The following SARAF variants were observed in gnomAD, a reference collection of about 807,000 sequenced individuals.
SARAF encodes store-operated calcium entry-associated regulatory factor.
In SARAF, 23 loss-of-function variants were observed where a neutral mutation model predicts 39.7. The ratio of observed to expected loss-of-function variants is 0.58; its 90% CI spans 0.42 to 0.82. SARAF has a LOEUF of 0.82. SARAF is among the 40% of genes least tolerant of loss of function. The pLI is 0.00. For missense variants in SARAF, 384 were observed against 418.5 expected (o/e 0.92, Z 0.72); for synonymous variants, 175 against 168.5 (o/e 1.04, Z -0.30).
Position 30,070,034 on chromosome 8 carries a change from A to G in SARAF, c.308T>C (p.Ile103Thr). Residue 103 changes from isoleucine (I) to threonine (T), a missense_variant, in exon 3 of 6, where the codon ATT (isoleucine) becomes ACT (threonine). By Grantham distance (89) the Ile-to-Thr change is moderately conservative. Coordinates refer to ENST00000256255, the MANE Select transcript of SARAF (RefSeq NM_016127.6). ...VQWECKTDLD[I>T]AYKFGKTVVS... ...CACAGTTTTTCCAAATTTGTATGCA[A>G]TATCTAAGTCCGTCTTACATTCCCA... 1 of 1,611,710 alleles carries G rather than the reference A, an allele frequency of 6.2e-7. No homozygotes were observed. The highest frequency in any genetic ancestry group is 8.5e-7 in the Non-Finnish European group (1 of 1,179,432).
chr8:30,064,044 G>A (rs1416529405), intron 5 of SARAF, 131 bp from the exon 6 acceptor site: 15 of 770,630 alleles, frequency 1.9e-5, no homozygotes, highest in Non-Finnish European at 2.9e-5. Flanking sequence ...TGTGCCACTA[G>A]GTGGAACTGG....
chr8:30,064,346 A>C (rs896522761), intron 5 of SARAF, among the ~76,000 whole-genome samples: 3 of 151,880 alleles, frequency 2.0e-5, no homozygotes, highest in African/African-American at 7.3e-5. Context: ...GTGCGCACAC[A>C]CACAGGCTAC....
At chr8:30,067,072 T>C (rs1196037811) in intron 3 of SARAF, 154 bp from the exon 4 acceptor site, 1 of 763,412 alleles carries the variant, frequency 1.3e-6, no homozygotes, top group African/African-American at 1.8e-5. Flanking sequence ...AAAAGGTATT[T>C]GTAAAATACT....
intron 1 of SARAF, among the ~76,000 whole-genome samples, chr8:30,080,081 C>G (rs1025266598): frequency 6.6e-6 from 1 of 152,202 alleles, no homozygotes; most frequent in African/African-American, 2.4e-5. Flanking sequence ...CCTTGGACTT[C>G]TCATCTTCTC....
At chr8:30,072,628 A>C (rs963257411) in intron 2 of SARAF, among the ~76,000 whole-genome samples, 1 of 152,176 alleles carries the variant, frequency 6.6e-6, no homozygotes, top group African/African-American at 2.4e-5. Context: ...TTTAAATTTC[A>C]ACTCTTGGAA....
chr8:30,082,847 C>G lies in SARAF; in HGVS notation c.103G>C (p.Asp35His). ...GCCTGAGGGCCCTGGCAGCACTCAC[C>G]AGGGTCGTTCCAGCCCAGGGCAGGG... ...AGPALGWNDP[D>H]RMLLRDVKAL... The change falls in exon 1 of 6, where the codon GAC becomes CAC. Residue 35 changes from aspartate (D) to histidine (H), a missense_variant and splice_region_variant. Transcript: ENST00000256255. 1 of 1,543,168 alleles carries G rather than the reference C, an allele frequency of 6.5e-7. No individual in the cohort carries two copies. Among genetic ancestry groups the G allele is most frequent in the Non-Finnish European group, 8.7e-7 (1 of 1,145,856 alleles).
At chr8:30,074,414 C>T (rs1475271209) in intron 1 of SARAF, among the ~76,000 whole-genome samples, 1 of 152,150 alleles carries the variant, frequency 6.6e-6, no homozygotes, top group Admixed American at 6.5e-5. Context: ...TCCTGAAGCA[C>T]ATTTAATGCT....
Position 30,082,846 on chromosome 8 carries a change from C to T in SARAF, c.103+1G>A. 1 of 1,475,684 alleles carries T rather than the reference C, an allele frequency of 6.8e-7. No homozygotes were observed. Among genetic ancestry groups the T allele is most frequent in the Non-Finnish European group, 9.1e-7 (1 of 1,095,920 alleles). 91.4% of individuals were successfully genotyped at this position (1,475,684 alleles called of 1,614,324 possible). A position where few individuals can be genotyped will look rare whatever the true frequency, so the allele number is the denominator to read the frequency against. ...CGCCTGAGGGCCCTGGCAGCACTCA[C>T]CAGGGTCGTTCCAGCCCAGGGCAGG... On this transcript the variant is annotated splice_donor_variant, in intron 1 of 5. Transcript: ENST00000256255. LOFTEE classifies it high-confidence loss of function.
Position 30,082,844 on chromosome 8 carries a change from C to T in SARAF, c.103+3G>A, listed in dbSNP as rs1802139857. ...AGCGCCTGAGGGCCCTGGCAGCACT[C>T]ACCAGGGTCGTTCCAGCCCAGGGCA... On this transcript the variant is annotated splice_donor_region_variant and intron_variant, in intron 1 of 5. Transcript: ENST00000256255. The T allele has an allele frequency of 2.6e-6, 4 of 1,540,396 alleles. No homozygotes were observed. The highest frequency in any genetic ancestry group is 2.2e-4 in the Middle Eastern group (1 of 4,592).
At chr8:30,079,901 G>C (rs1802060429) in intron 1 of SARAF, among the ~76,000 whole-genome samples, 1 of 152,146 alleles carries the variant, frequency 6.6e-6, no homozygotes, top group Non-Finnish European at 1.5e-5. Context: ...CCACTAGTTA[G>C]ATCAGTCAAG....
Position 30,065,992 on chromosome 8 carries a change from T to C in SARAF, c.990A>G (p.Ala330=). Residue 330 remains alanine (A), a synonymous_variant, in exon 5 of 6, where the codon GCA becomes GCG. Transcript: ENST00000256255. ...ACTTGTATTTTTTGCTCTTACCTGA[T>C]GCAGTTCTGGTTTTCGTGTCTGAGT... ...CSNSDTKTRT[A]SGYGGTRRR is the part of the protein sequence containing the mutation. The C allele has an allele frequency of 1.2e-6, 2 of 1,614,174 alleles. No individual in the cohort carries two copies. Among genetic ancestry groups the C allele is most frequent in the African/African-American group, 1.3e-5 (1 of 75,064 alleles).
intron 5 of SARAF, among the ~76,000 whole-genome samples, chr8:30,064,442 T>C (rs1456224588): frequency 6.6e-6 from 1 of 151,210 alleles, no homozygotes; most frequent in Non-Finnish European, 1.5e-5. Flanking sequence ...TTTCATATAA[T>C]TCCCATACAT....
chr8:30,079,469 C>G (rs1802051740), intron 1 of SARAF, among the ~76,000 whole-genome samples: 1 of 152,196 alleles, frequency 6.6e-6, no homozygotes, highest in Admixed American at 6.5e-5. Context: ...ACACAAACTA[C>G]TACCTCCTCA....
chr8:30,082,233 G>A (rs1802117990), intron 1 of SARAF: 4 of 152,262 alleles, frequency 2.6e-5, no homozygotes, highest in Admixed American at 2.6e-4. Context: ...AGCTACCGGT[G>A]AGGCCGAGGC....
chr8:30,075,122 G>A (rs368689930), intron 1 of SARAF, among the ~76,000 whole-genome samples: 36 of 151,938 alleles, frequency 2.4e-4, no homozygotes, highest in Non-Finnish European at 4.3e-4. Flanking sequence ...CCAACACGGC[G>A]AAACCCCATC....
chr8:30,078,395 G>A (rs1802024070), intron 1 of SARAF: 2 of 262,728 alleles, frequency 7.6e-6, no homozygotes, highest in Admixed American at 5.3e-5. Flanking sequence ...CCACACAAAG[G>A]CACACGAAAA....
At chr8:30,066,197 A>C in intron 4 of SARAF, 58 bp from the exon 5 acceptor site, 1 of 1,531,608 alleles carries the variant, frequency 6.5e-7, no homozygotes, top group Non-Finnish European at 8.9e-7. Flanking sequence ...ATTTTTAAAT[A>C]CCTTCCTGTT....
chr8:30,069,134 ATTT>A (rs36096551), intron 3 of SARAF, among the ~76,000 whole-genome samples: 1 of 97,826 alleles, frequency 1.0e-5, no homozygotes, highest in Non-Finnish European at 1.8e-5. Context: ...TTAATCAGGC[ATTT>A]TTTTTTTTTT....
Position 30,070,010 on chromosome 8 carries a change from AC to A in SARAF, c.331del (p.Val111TrpfsTer2). 1 of 1,612,608 alleles carries A rather than the reference AC, an allele frequency of 6.2e-7. No individual in the cohort carries two copies. Reference sequence around the variant, plus strand: ...GGACTCATAGCCTTCACAGCTCACCACAGTTTTTCCAAATTTGTATGCAATA... The same window carrying A: ...GGACTCATAGCCTTCACAGCTCACCAAGTTTTTCCAAATTTGTATGCAATA... ...LDIAYKFGKTVVSCEGYESSE... is the reference protein window; with the variant it reads ...LDIAYKFGKTXVSCEGYESSE... On this transcript the variant is annotated frameshift_variant, in exon 3 of 6. Coordinates refer to ENST00000256255, the MANE Select transcript of SARAF (RefSeq NM_016127.6). LOFTEE classifies it high-confidence loss of function.
Sources: gnomAD v4.1 joint callset for allele counts (sites outside exome capture counted in the v4.1 genomes callset) on GRCh38, gnomAD v4.1.1 for gene constraint, MANE v1.5 for transcripts, NCBI Gene and HGNC (gene_info 2026-07-23, HGNC 2026-07-21) for gene names.